SATB2: variants seen among roughly 807,000 people sequenced by gnomAD.
SATB2 encodes SATB homeobox 2.
A neutral mutation model predicts 73.4 loss-of-function variants in SATB2; 1 was observed. That is an observed-to-expected ratio of 0.01 (90% confidence interval 0.00 to 0.06). The LOEUF (loss-of-function observed/expected upper bound fraction) is 0.06, where lower values mean the gene tolerates loss of function less well. Ranked by LOEUF, SATB2 falls within the 10% of genes least tolerant of loss-of-function variation. SATB2 has a pLI of 1.00. For synonymous variants in SATB2, 397 were observed against 367.0 expected (o/e 1.08, Z -0.93); for missense variants, 459 against 945.8 (o/e 0.49, Z 6.75).
upstream of SATB2, chr2:199,458,575 C>T (rs1417457150): frequency 2.3e-6 from 1 of 426,006 alleles, no homozygotes; most frequent in Admixed American, 2.5e-5. Flanking sequence ...TCGCCCAGCC[C>T]CTAGGCGCAC....
intron 10 of SATB2, among the ~76,000 whole-genome samples, chr2:199,279,233 T>C (rs1054504627): frequency 2.0e-5 from 3 of 152,188 alleles, no homozygotes; most frequent in African/African-American, 7.2e-5. Flanking sequence ...ACAATTATAA[T>C]ATGGACACAT....
chr2:199,412,240 T>C (rs1690842361), intron 3 of SATB2, among the ~76,000 whole-genome samples: 1 of 152,080 alleles, frequency 6.6e-6, no homozygotes, highest in Non-Finnish European at 1.5e-5. Flanking sequence ...GGATATAAAA[T>C]ATGGTGGTAG....
chr2:199,362,232 G>T (rs1335891280), intron 6 of SATB2, among the ~76,000 whole-genome samples: 1 of 151,942 alleles, frequency 6.6e-6, no homozygotes, highest in Non-Finnish European at 1.5e-5. Flanking sequence ...ATGCTCTTTC[G>T]TACCTCTGCA....
upstream of SATB2, chr2:199,458,670 C>T (rs1352741331): frequency 4.5e-6 from 2 of 442,068 alleles, no homozygotes; most frequent in African/African-American, 2.1e-5. Flanking sequence ...GCGCAAGAGG[C>T]GACCGCGGCT....
At chr2:199,345,808 G>A (rs1688634655) in intron 7 of SATB2, among the ~76,000 whole-genome samples, 1 of 152,104 alleles carries the variant, frequency 6.6e-6, no homozygotes, top group Non-Finnish European at 1.5e-5. Context: ...TAAGATGGTG[G>A]GAGCACAGCA....
intron 10 of SATB2, among the ~76,000 whole-genome samples, chr2:199,287,380 A>G (rs1449436304): frequency 5.3e-5 from 8 of 152,334 alleles, no homozygotes; most frequent in Admixed American, 5.2e-4. Context: ...GATACATTTA[A>G]TAAGAAGAGA....
At chr2:199,367,752 A>G (rs1465556440) in intron 6 of SATB2, among the ~76,000 whole-genome samples, 1 of 152,120 alleles carries the variant, frequency 6.6e-6, no homozygotes, top group African/African-American at 2.4e-5. Flanking sequence ...AAATTCCCCA[A>G]ATCCCCTCAG....
At chr2:199,296,032 C>T (rs1448087724) in intron 10 of SATB2, among the ~76,000 whole-genome samples, 4 of 152,164 alleles carry the variant, frequency 2.6e-5, no homozygotes, top group Non-Finnish European at 4.4e-5. Context: ...TAGATTTCCA[C>T]ACTAAACAGA....
chr2:199,436,889 T>A (rs376251847), intron 2 of SATB2, among the ~76,000 whole-genome samples: 83 of 147,016 alleles, frequency 5.6e-4, no homozygotes, highest in African/African-American at 2.0e-3. Context: ...TAACAACTCG[T>A]CCCAGGCAAA....
At chr2:199,310,456 G>A in intron 9 of SATB2, among the ~76,000 whole-genome samples, 1 of 151,984 alleles carries the variant, frequency 6.6e-6, no homozygotes, top group East Asian at 1.9e-4. Context: ...TTTTCAAGGT[G>A]CAATGTATAT....
At position 199,464,686 on chromosome 2, in the gene SATB2, C is replaced by A. The variant is rs1195310179; in HGVS notation, c.-141+150G>T. 2 of 152,202 alleles carry A rather than the reference C, an allele frequency of 1.3e-5. No individual in the cohort carries two copies. Among genetic ancestry groups the A allele is most frequent in the Non-Finnish European group, 2.9e-5 (2 of 68,052 alleles). 9.4% of individuals were successfully genotyped at this position (152,202 alleles called of 1,614,324 possible). A position where few individuals can be genotyped will look rare whatever the true frequency, so the allele number is the denominator to read the frequency against. ...AGGCAGCGGGCCGGCTGAGCTCCTG[C>A]GCCCCGCGGTCGCGTGGCCTACTCG... On this transcript the variant is annotated intron_variant, in intron 1 of 11. Coordinates refer to the SATB2 transcript ENST00000260926. This position sits in a 1 kb window ranked among gnomAD's most constrained non-coding sequence, Gnocchi z 6.6.
chr2:199,391,305 C>T (rs897920778), intron 3 of SATB2, among the ~76,000 whole-genome samples: 12 of 151,510 alleles, frequency 7.9e-5, no homozygotes, highest in South Asian at 2.1e-4. Context: ...TGGTGGTGGG[C>T]GCCTGTAGTC....
chr2:199,455,737 G>T lies in SATB2; in HGVS notation c.169+132C>A. ...CAGTTGCAGATGAGAGGCGACGGGG[G>T]CATTATTTGGCAACCTGGAATTCAC... On this transcript the variant is annotated intron_variant, in intron 2 of 10. Coordinates refer to ENST00000417098, the MANE Select transcript of SATB2 (RefSeq NM_001172509.2). This position sits in a 1 kb window ranked among gnomAD's most constrained non-coding sequence, Gnocchi z 4.1. The T allele has an allele frequency of 2.0e-6, 2 of 976,900 alleles. No individual in the cohort carries two copies. The highest frequency in any genetic ancestry group is 3.1e-6 in the Non-Finnish European group (2 of 650,458). The allele number at this position is 976,900 out of a possible 1,614,324, so 60.5% of individuals were successfully genotyped here.
intron 2 of SATB2, among the ~76,000 whole-genome samples, chr2:199,448,065 T>C (rs1235834860): frequency 6.6e-6 from 1 of 152,224 alleles, no homozygotes; most frequent in Non-Finnish European, 1.5e-5. Flanking sequence ...ACATTTATCA[T>C]GCTGCTCTGT....
intron 3 of SATB2, among the ~76,000 whole-genome samples, chr2:199,420,735 C>G (rs923388591): frequency 5.3e-5 from 8 of 151,950 alleles, no homozygotes; most frequent in African/African-American, 1.9e-4. Context: ...GTTTGAAGTG[C>G]AAATGGGTGC....
intron 2 of SATB2, among the ~76,000 whole-genome samples, chr2:199,434,478 T>G (rs919595044): frequency 4.6e-5 from 7 of 152,290 alleles, no homozygotes; most frequent in African/African-American, 1.4e-4. Flanking sequence ...TACAGGCACT[T>G]AAATCTAAAC....
At chr2:199,292,204 A>C (rs982812921) in intron 10 of SATB2, among the ~76,000 whole-genome samples, 8 of 152,218 alleles carry the variant, frequency 5.3e-5, no homozygotes, top group Non-Finnish European at 1.2e-4. Context: ...GTCTAAACTA[A>C]GAATGCTATT....
At chr2:199,441,387 T>A (rs917888979) in intron 2 of SATB2, among the ~76,000 whole-genome samples, 5 of 152,172 alleles carry the variant, frequency 3.3e-5, no homozygotes, top group African/African-American at 1.2e-4. Flanking sequence ...TATTGAATAT[T>A]ATTTCTCAAT....
At chr2:199,354,303 T>A (rs975868283) in intron 6 of SATB2, among the ~76,000 whole-genome samples, 9 of 151,968 alleles carry the variant, frequency 5.9e-5, no homozygotes, top group Non-Finnish European at 1.3e-4. Context: ...TTGCAGTGAG[T>A]CGAGATTGTG....
Sources: gnomAD v4.1 joint callset for allele counts (sites outside exome capture counted in the v4.1 genomes callset) on GRCh38, gnomAD v4.1.1 for gene constraint, Gnocchi (gnomAD v3.1) non-coding constraint, MANE v1.5 for transcripts, NCBI Gene and HGNC (gene_info 2026-07-23, HGNC 2026-07-21) for gene names.